ATM: variants seen among roughly 807,000 people sequenced by gnomAD.
The protein encoded by ATM is serine-protein kinase ATM.
Under a neutral mutation model 387.0 loss-of-function variants are expected in ATM, and 308 were observed. The ratio of observed to expected loss-of-function variants is 0.80; its 90% CI spans 0.73 to 0.87. The LOEUF is 0.87. ATM is among the 40% of genes least tolerant of loss of function. The probability of loss-of-function intolerance (pLI) is 0.00; values close to 1 mark genes in which losing one functional copy is unlikely to be tolerated. For synonymous variants in ATM, 1,156 were observed against 1,187.3 expected (o/e 0.97, Z 0.54); for missense variants, 3,312 against 3,560.9 (o/e 0.93, Z 1.78).
At chr11:108,309,354 C>T (rs1182427888) in intron 38 of ATM, among the ~76,000 whole-genome samples, 2 of 152,170 alleles carry the variant, frequency 1.3e-5, no homozygotes, top group African/African-American at 2.4e-5. Flanking sequence ...TAGTTGAGTG[C>T]TTGCTGTGTA....
rs786201807 is a variant in ATM, at chr11:108,243,988, C to T, written c.532C>T (p.Pro178Ser). The change falls in exon 6 of 63, where the codon CCT (proline) becomes TCT (serine). Residue 178 changes from proline (P) to serine (S), a missense_variant. Physicochemically the swap from Pro to Ser is moderately conservative, Grantham distance 74. Around this residue, in one of 4 missense-constraint regions of ATM, gnomAD observed 1,791 missense variants for 1,804.5 expected, o/e 0.99. Coordinates refer to ENST00000675843, the MANE Select transcript of ATM (RefSeq NM_000051.4). ...FSVYFRLYLKPSQDVHRVLVA... is the reference protein window; with the variant it reads ...FSVYFRLYLKSSQDVHRVLVA... ...TGTGTACTTCAGGCTCTATCTGAAA[C>T]CTTCACAAGATGTTCATAGAGTTTT... The T allele has an allele frequency of 6.2e-7, 1 of 1,607,548 alleles. No individual in the cohort carries two copies. The highest frequency in any genetic ancestry group is 8.5e-7 in the Non-Finnish European group (1 of 1,176,498).
Position 108,334,977 on chromosome 11 carries a change from C to T in ATM, c.8019C>T (p.His2673=), listed in dbSNP as rs1181283176. 6.2e-7 allele frequency: 1 copy of T among 1,612,964 alleles called. No individual in the cohort carries two copies. Among genetic ancestry groups the T allele is most frequent in the African/African-American group, 1.3e-5 (1 of 74,858 alleles). The change falls in exon 55 of 63, where the codon CAC becomes CAT. Residue 2673 remains histidine, a synonymous_variant. Transcript: ENST00000675843. ...VVPTMEIKVD[H]TGEYGNLVTI... ...GTTTATACTTTTATTAGGTGGACCA[C>T]ACAGGAGAATATGGAAATCTGGTGA...
chr11:108,274,034 C>T (rs1456315055), intron 22 of ATM, among the ~76,000 whole-genome samples: 1 of 152,122 alleles, frequency 6.6e-6, no homozygotes, highest in East Asian at 1.9e-4. Flanking sequence ...CTATTAATTA[C>T]TGCCTCAATT....
At position 108,312,600 on chromosome 11, in the gene ATM, T is replaced by G. The variant is rs567806308; in HGVS notation, c.6006+102T>G. 90 of 854,430 alleles carry G rather than the reference T, an allele frequency of 1.1e-4. No homozygotes were observed. In the African/African-American group the frequency reaches 1.5e-3, roughly 14 times the overall value. The allele number at this position is 854,430 out of a possible 1,614,324, so 52.9% of individuals were successfully genotyped here. On this transcript the variant is annotated intron_variant, in intron 40 of 62. Transcript: ENST00000675843. ...GATGCCATGTGATTTTTAAACTGAA[T>G]TTACTTACTGGACTAAGCATCATAT...
At chr11:108,260,644 G>A (rs1407320394) in intron 16 of ATM, among the ~76,000 whole-genome samples, 1 of 152,204 alleles carries the variant, frequency 6.6e-6, no homozygotes, top group Non-Finnish European at 1.5e-5. Context: ...GAGCCAAGAT[G>A]GCCGAATAGG....
At chr11:108,233,460 T>C (rs1439231679) in intron 4 of ATM, among the ~76,000 whole-genome samples, 2 of 151,588 alleles carry the variant, frequency 1.3e-5, no homozygotes, top group Admixed American at 1.3e-4. Context: ...TCCCAGCTAC[T>C]TAGGAGGCTT....
intron 1 of ATM, chr11:108,224,187 A>G (rs918271260): frequency 5.3e-5 from 8 of 152,262 alleles, no homozygotes; most frequent in African/African-American, 1.9e-4. Context: ...TGAGGTTTGA[A>G]GAGATTAGTG....
intron 55 of ATM, chr11:108,335,331 A>G: frequency 7.1e-7 from 1 of 1,409,376 alleles, no homozygotes; most frequent in Non-Finnish European, 9.5e-7. Context: ...ATTCAAGTAA[A>G]AGAATACCAT....
intron 39 of ATM, among the ~76,000 whole-genome samples, chr11:108,311,703 CAAA>C (rs1215790496): frequency 8.7e-6 from 1 of 114,286 alleles, no homozygotes; most frequent in African/African-American, 3.2e-5. Flanking sequence ...ATCTCATAAA[CAAA>C]AAAAAAAAAA....
intron 16 of ATM, among the ~76,000 whole-genome samples, chr11:108,261,728 A>C (rs2080902526): frequency 6.6e-6 from 1 of 152,016 alleles, no homozygotes; most frequent in Non-Finnish European, 1.5e-5. Context: ...GAAGTTGAAA[A>C]CTTTGAAAAA....
In ATM at chr11:108,315,903, C is replaced by T. The variant is rs1060504316; in HGVS notation, c.6087C>T (p.Pro2029=). The T allele has an allele frequency of 3.7e-6, 6 of 1,610,802 alleles. No homozygotes were observed. Among genetic ancestry groups the T allele is most frequent in the East Asian group, 4.5e-5 (2 of 44,856 alleles). ...YGCGGGKMLQ[P]ITRLRTYEHE... is the part of the protein sequence containing the mutation. ...GTGGTGGAGGGAAGATGTTACAACC[C>T]ATTACTAGGTAAATTGCATTTTTCT... is the stretch of plus-strand genomic sequence containing the variant. The change falls in exon 41 of 63, where the codon CCC becomes CCT. Residue 2029 remains proline (P), a synonymous_variant. Transcript: ENST00000675843.
intron 43 of ATM, among the ~76,000 whole-genome samples, chr11:108,319,598 CTG>C (rs1331503830): frequency 1.3e-5 from 2 of 152,144 alleles, no homozygotes; most frequent in African/African-American, 4.8e-5. Flanking sequence ...TATTTATTGT[CTG>C]TTCCTCCAAA....
intron 24 of ATM, among the ~76,000 whole-genome samples, chr11:108,282,451 A>C (rs2082281697): frequency 6.6e-6 from 1 of 151,942 alleles, no homozygotes; most frequent in Non-Finnish European, 1.5e-5. Flanking sequence ...ATCTTCCTTT[A>C]AGTATAACCA....
chr11:108,288,848 T>G lies in ATM; in HGVS notation c.4110-129T>G, dbSNP rs2082631890. ...ATTTGTGATTTTATTGAAAGTATAG[T>G]TTTTCAGTAGAAAAATGGTTTTTGA... On this transcript the variant is annotated intron_variant, in intron 27 of 62. Transcript: ENST00000675843. 5 of 1,059,242 alleles carry G rather than the reference T, an allele frequency of 4.7e-6. No homozygotes were observed. The Admixed American group carries it at 1.1e-4, about 23-fold the overall frequency. The allele number at this position is 1,059,242 out of a possible 1,614,324, so 65.6% of individuals were successfully genotyped here.
In ATM at chr11:108,346,043, C is replaced by T. The variant is rs1210690593; in HGVS notation, c.8584+135C>T. 4.3e-6 allele frequency: 4 copies of T among 922,676 alleles called. No homozygotes were observed. The African/African-American group carries it at 6.6e-5, about 15-fold the overall frequency. The allele number at this position is 922,676 out of a possible 1,614,324, so 57.2% of individuals were successfully genotyped here. Reference sequence around the variant, plus strand: ...ATGATGTGGTTAGTAACCAACCCATCTTCATTATTAAATCATATGTTTCTT... The same window carrying T: ...ATGATGTGGTTAGTAACCAACCCATTTTCATTATTAAATCATATGTTTCTT... On this transcript the variant is annotated intron_variant, in intron 58 of 62. Coordinates refer to ENST00000675843, the MANE Select transcript of ATM (RefSeq NM_000051.4).
chr11:108,287,394 T>C (rs1227974975), intron 26 of ATM: 6 of 391,730 alleles, frequency 1.5e-5, no homozygotes, highest in East Asian at 4.3e-5. Context: ...CTGATTTTCA[T>C]ACTTTTTCCT....
intron 51 of ATM, 144 bp downstream of exon 51, chr11:108,331,701 T>C (rs1393747278): frequency 3.0e-6 from 4 of 1,317,402 alleles, no homozygotes; most frequent in Non-Finnish European, 4.1e-6. Flanking sequence ...CATAAGTTAC[T>C]CATTTTCTCT....
chr11:108,304,031 G>A (rs4988041), intron 36 of ATM, among the ~76,000 whole-genome samples: 3,137 of 152,240 alleles, frequency 0.021, 63 homozygotes, highest in Non-Finnish European at 0.027. Flanking sequence ...TGGATATGGA[G>A]TGTAATGATT....
At chr11:108,351,828 G>A (rs114078908) in intron 59 of ATM, among the ~76,000 whole-genome samples, 1,961 of 152,264 alleles carry the variant, frequency 0.013, 30 homozygotes, top group African/African-American at 0.031. Flanking sequence ...CCTTTGCAAT[G>A]TATCATTTAT....
Sources: gnomAD v4.1 joint callset for allele counts (sites outside exome capture counted in the v4.1 genomes callset) on GRCh38, gnomAD v4.1.1 for gene constraint, gnomAD v4.1.1 regional missense constraint, MANE v1.5 for transcripts, NCBI Gene and HGNC (gene_info 2026-07-23, HGNC 2026-07-21) for gene names.